The following SLC25A21 variants were observed in gnomAD, a reference collection of about 807,000 sequenced individuals.
SLC25A21 encodes the protein solute carrier family 25 member 21.
In SLC25A21, 47 loss-of-function variants were observed where a neutral mutation model predicts 43.8. The observed-to-expected ratio is 1.07, with a 90% CI of 0.85 to 1.37. The LOEUF (loss-of-function observed/expected upper bound fraction) is 1.37. Among genes scored for constraint, SLC25A21 ranks in the 40% most tolerant of loss-of-function variants. The probability of loss-of-function intolerance (pLI) is 0.00; values close to 1 mark genes in which losing one functional copy is unlikely to be tolerated. For synonymous variants in SLC25A21, 131 were observed against 121.3 expected (o/e 1.08, Z -0.52); for missense variants, 352 against 350.2 (o/e 1.00, Z -0.04).
At chr14:36,983,380 T>C (rs1482515527) in intron 1 of SLC25A21, among the ~76,000 whole-genome samples, 1 of 152,172 alleles carries the variant, frequency 6.6e-6, no homozygotes, top group Non-Finnish European at 1.5e-5. Context: ...ATGCCAGACA[T>C]TAGTGTAGGT....
chr14:36,777,979 G>A (rs1267777131), intron 3 of SLC25A21, among the ~76,000 whole-genome samples: 2 of 152,096 alleles, frequency 1.3e-5, no homozygotes, highest in Non-Finnish European at 2.9e-5. Flanking sequence ...CAACTGCCAT[G>A]TCTAATGAGA....
chr14:36,794,101 T>C (rs1012208706), intron 3 of SLC25A21, among the ~76,000 whole-genome samples: 1 of 152,044 alleles, frequency 6.6e-6, no homozygotes, highest in African/African-American at 2.4e-5. Context: ...CAGCAAGCAA[T>C]AAGGCACTTG....
intron 1 of SLC25A21, among the ~76,000 whole-genome samples, chr14:36,925,771 C>T (rs1295590337): frequency 6.6e-6 from 1 of 152,084 alleles, no homozygotes; most frequent in Non-Finnish European, 1.5e-5. Context: ...TGCTTGAACC[C>T]AGGGGGCAGA....
At chr14:36,782,380 G>C (rs879482421) in intron 3 of SLC25A21, among the ~76,000 whole-genome samples, 2 of 151,996 alleles carry the variant, frequency 1.3e-5, no homozygotes, top group Non-Finnish European at 2.9e-5. Flanking sequence ...TATTTCTCTT[G>C]ATGGTGCCCC....
chr14:36,952,779 T>C (rs1892844222), intron 1 of SLC25A21, among the ~76,000 whole-genome samples: 1 of 152,222 alleles, frequency 6.6e-6, no homozygotes, highest in East Asian at 1.9e-4. Context: ...GTCCCATTTT[T>C]ATCCAGTCAG....
chr14:36,844,645 A>G (rs896082939), intron 2 of SLC25A21, among the ~76,000 whole-genome samples: 1 of 152,160 alleles, frequency 6.6e-6, no homozygotes, highest in Non-Finnish European at 1.5e-5. Context: ...TCCTGTCCCA[A>G]CACCCTTTGT....
intron 1 of SLC25A21, among the ~76,000 whole-genome samples, chr14:36,928,182 C>T (rs1892185465): frequency 6.6e-6 from 1 of 152,104 alleles, no homozygotes; most frequent in Admixed American, 6.6e-5. Context: ...AAGTTGATAT[C>T]ATTATCTTTA....
Position 36,781,072 on chromosome 14 carries a change from T to C in SLC25A21, c.203+32846A>G, listed in dbSNP as rs181110630. On this transcript the variant is annotated intron_variant, in intron 3 of 9. Transcript: ENST00000331299. ...AGGAATTGACTTCTTTATTATTAGATATAATGACCTTTGTCTCTTGTTATA... is the reference window on the plus strand; with the variant it reads ...AGGAATTGACTTCTTTATTATTAGACATAATGACCTTTGTCTCTTGTTATA... Among the ~76,000 whole-genome samples the C allele has an allele frequency of 2.3e-4, 35 of 152,294 alleles. No individual in the cohort carries two copies. The East Asian group carries it at 5.2e-3, about 23-fold the overall frequency.
At chr14:36,857,993 C>T (rs571748877) in intron 2 of SLC25A21, among the ~76,000 whole-genome samples, 76 of 152,224 alleles carry the variant, frequency 5.0e-4, no homozygotes, top group Admixed American at 1.5e-3. Context: ...GAGTTTCAAA[C>T]GTTGCATAGT....
At chr14:36,713,927 T>C (rs552655619) in intron 6 of SLC25A21, among the ~76,000 whole-genome samples, 1 of 152,148 alleles carries the variant, frequency 6.6e-6, no homozygotes, top group African/African-American at 2.4e-5. Context: ...GCCTGGAAGG[T>C]GAGGCTGCAG....
intron 1 of SLC25A21, among the ~76,000 whole-genome samples, chr14:36,980,309 G>C (rs1250151098): frequency 6.6e-6 from 1 of 152,170 alleles, no homozygotes; most frequent in African/African-American, 2.4e-5. Context: ...CTAGGTTGGG[G>C]AAGTTATCCC....
At chr14:37,048,730 G>T (rs931279419) in intron 1 of SLC25A21, among the ~76,000 whole-genome samples, 1 of 152,170 alleles carries the variant, frequency 6.6e-6, no homozygotes, top group Non-Finnish European at 1.5e-5. Context: ...AAACATGGGT[G>T]AGCAAGTCTG....
intron 1 of SLC25A21, among the ~76,000 whole-genome samples, chr14:36,929,135 T>C (rs1175707697): frequency 1.3e-5 from 2 of 151,968 alleles, no homozygotes; most frequent in Non-Finnish European, 2.9e-5. Context: ...AAGACCTCCA[T>C]AAAAATAAAT....
Position 36,977,953 on chromosome 14 carries a change from T to A in SLC25A21, c.71-102949A>T, listed in dbSNP as rs986848864. Among the ~76,000 whole-genome samples, 949 of 129,772 alleles carry A rather than the reference T, an allele frequency of 7.3e-3. 12 individuals are homozygous for A. The highest frequency in any genetic ancestry group is 0.026 in the African/African-American group (825 of 31,548). The allele number at this position is 129,772 out of a possible 152,430, so 85.1% of individuals were successfully genotyped here. A position where few individuals can be genotyped will look rare whatever the true frequency, so the allele number is the denominator to read the frequency against. On this transcript the variant is annotated intron_variant, in intron 1 of 9. Transcript: ENST00000331299. ...GTGATTACAAAGCTTTTTTTTTTTT[T>A]TAAAAAAAAAAAAAGACAATTAGTT...
intron 3 of SLC25A21, among the ~76,000 whole-genome samples, chr14:36,789,470 G>A (rs575349649): frequency 1.6e-4 from 25 of 151,598 alleles, no homozygotes; most frequent in African/African-American, 4.4e-4. Context: ...CTTTCATTTC[G>A]TTATCACCTT....
At chr14:36,752,262 A>T (rs530635014) in intron 3 of SLC25A21, among the ~76,000 whole-genome samples, 2 of 152,230 alleles carry the variant, frequency 1.3e-5, no homozygotes, top group Non-Finnish European at 2.9e-5. Context: ...GTTGGAAAAG[A>T]TGTGAAGAAA....
chr14:36,747,409 C>T (rs748630331), intron 3 of SLC25A21, among the ~76,000 whole-genome samples: 48 of 152,142 alleles, frequency 3.2e-4, no homozygotes, highest in Admixed American at 1.2e-3. Context: ...GGAGTCTATG[C>T]CAGTTCTCTG....
At chr14:37,054,480 A>G (rs1961777559) in intron 1 of SLC25A21, among the ~76,000 whole-genome samples, 1 of 152,198 alleles carries the variant, frequency 6.6e-6, no homozygotes, top group Non-Finnish European at 1.5e-5. Flanking sequence ...AAATTTTTGT[A>G]TCTGGAAATA....
intron 2 of SLC25A21, among the ~76,000 whole-genome samples, chr14:36,874,417 T>TC (rs774790702): frequency 2.5e-4 from 38 of 152,358 alleles, no homozygotes; most frequent in Non-Finnish European, 4.9e-4. Context: ...TTTTCTTTTT[T>TC]TCCCTCTTGG....
Sources: allele counts gnomAD v4.1 joint callset (sites outside exome capture counted in the v4.1 genomes callset), GRCh38; gene constraint gnomAD v4.1.1; transcripts MANE v1.5; gene names NCBI Gene and HGNC (gene_info 2026-07-23, HGNC 2026-07-21).